The following PBRM1 variants were observed in gnomAD, a reference collection of about 807,000 sequenced individuals.
The protein encoded by PBRM1 is polybromo 1.
Under a neutral mutation model 194.5 loss-of-function variants are expected in PBRM1, and 27 were observed. The ratio of observed to expected loss-of-function variants is 0.14; its 90% confidence interval spans 0.10 to 0.19. The LOEUF (loss-of-function observed/expected upper bound fraction) is 0.19, where lower values mean the gene tolerates loss of function less well. Among genes scored for constraint, PBRM1 ranks in the 10% least tolerant of loss-of-function variants. The pLI is 1.00. For missense variants in PBRM1, 1,466 were observed against 2,077.2 expected, an observed-to-expected ratio of 0.71 and a Z score of 5.72; for synonymous variants, 655 against 693.2, an observed-to-expected ratio of 0.94 and a Z score of 0.87.
chr3:52,571,418 G>A (rs1575794424), intron 22 of PBRM1, among the ~76,000 whole-genome samples: 1 of 151,346 alleles, frequency 6.6e-6, no homozygotes, highest in Non-Finnish European at 1.5e-5. Flanking sequence ...ACGAGGTCAG[G>A]AGATCAAGGC....
At chr3:52,658,127 G>T in intron 5 of PBRM1, 72 bp downstream of exon 6, 2 of 775,006 alleles carry the variant, frequency 2.6e-6, no homozygotes, top group Non-Finnish European at 4.6e-6. Context: ...TTATTTATCA[G>T]TAATTAATAC....
chr3:52,562,945 C>G (rs1474198984), intron 24 of PBRM1, among the ~76,000 whole-genome samples: 1 of 152,018 alleles, frequency 6.6e-6, no homozygotes, highest in African/African-American at 2.4e-5. Context: ...GTAATAAAAG[C>G]TAAAGACAAA....
chr3:52,600,880 G>A (rs535247432), intron 17 of PBRM1, among the ~76,000 whole-genome samples: 114 of 152,174 alleles, frequency 7.5e-4, no homozygotes, highest in Non-Finnish European at 1.4e-3. Flanking sequence ...CTCATGATCT[G>A]CTGGCCTTGG....
chr3:52,648,298 T>A (rs757522511), intron 7 of PBRM1, 46 bp downstream of exon 8: 2 of 1,037,526 alleles, frequency 1.9e-6, no homozygotes, highest in Non-Finnish European at 1.5e-6. Flanking sequence ...TTAAATTATC[T>A]ACTATTACCA....
chr3:52,641,498 G>C (rs183620643), intron 10 of PBRM1, among the ~76,000 whole-genome samples: 2 of 138,092 alleles, frequency 1.4e-5, no homozygotes, highest in African/African-American at 5.3e-5. Flanking sequence ...GAATATACCA[G>C]AATAATTTAA....
In PBRM1 at chr3:52,677,660, G is replaced by A. The variant is rs528272220; in HGVS notation, c.236+840C>T. ...ACTGCTGACCTCAGCTGATCCACCC[G>A]CCTTCGCCTCCCAAAGTGCTAGGAT... On this transcript the variant is annotated intron_variant, in intron 2 of 29. Coordinates refer to ENST00000296302, the Ensembl canonical transcript of PBRM1. Among the ~76,000 whole-genome samples the A allele has an allele frequency of 4.6e-5, 7 of 152,066 alleles. No homozygotes were observed. In the South Asian group the frequency reaches 6.2e-4, roughly 14 times the overall value.
intron 22 of PBRM1, among the ~76,000 whole-genome samples, chr3:52,569,542 TA>T (rs1188469826): frequency 6.6e-6 from 1 of 152,154 alleles, no homozygotes; most frequent in African/African-American, 2.4e-5. Flanking sequence ...GTTCACATAG[TA>T]TCAACTTCCT....
chr3:52,645,894 C>T (rs1003349291), intron 7 of PBRM1, among the ~76,000 whole-genome samples: 1 of 152,138 alleles, frequency 6.6e-6, no homozygotes, highest in South Asian at 2.1e-4. Flanking sequence ...CAGAACCATA[C>T]GAAAGCAAAA....
intron 5 of PBRM1, among the ~76,000 whole-genome samples, chr3:52,654,320 A>G (rs1223520123): frequency 6.6e-6 from 1 of 152,148 alleles, no homozygotes; most frequent in Non-Finnish European, 1.5e-5. Flanking sequence ...TCCTTCCTTT[A>G]CTTGGATGAA....
At chr3:52,637,773 C>CAAAAAAAAAAAAAACAAAAAAAAA (rs2095877092) in intron 10 of PBRM1, among the ~76,000 whole-genome samples, 1 of 42,236 alleles carries the variant, frequency 2.4e-5, no homozygotes, top group Non-Finnish European at 5.3e-5. Flanking sequence ...ACTAAAAATA[C>CAAAAAAAAAAAAAACAAAAAAAAA]AAAAAAAAAA....
chr3:52,559,969 G>A (rs183612691), intron 25 of PBRM1, among the ~76,000 whole-genome samples: 77 of 152,070 alleles, frequency 5.1e-4, no homozygotes, highest in African/African-American at 1.8e-3. Context: ...AAGGCCTGTG[G>A]ATTGAATATT....
At chr3:52,596,485 T>G (rs1234551500) in intron 17 of PBRM1, among the ~76,000 whole-genome samples, 6 of 94,534 alleles carry the variant, frequency 6.3e-5, no homozygotes, top group East Asian at 3.1e-4. Context: ...AAAAAAGAAA[T>G]GTATCCTACA....
chr3:52,675,523 G>A (rs370766528), intron 2 of PBRM1, among the ~76,000 whole-genome samples: 1 of 152,202 alleles, frequency 6.6e-6, no homozygotes, highest in African/African-American at 2.4e-5. Context: ...TAACCAGGTG[G>A]GATTTATTCC....
At chr3:52,572,440 T>A (rs1404531032) in intron 22 of PBRM1, among the ~76,000 whole-genome samples, 1 of 152,130 alleles carries the variant, frequency 6.6e-6, no homozygotes, top group Non-Finnish European at 1.5e-5. Context: ...TAGAGTGATC[T>A]CAGCGCACTG....
exon 6 of PBRM1, chr3:52,651,756 C>T: frequency 1.3e-6 from 2 of 1,597,406 alleles, no homozygotes; most frequent in Middle Eastern, 1.7e-4. Context: ...ATCCTCTGGG[C>T]AATGGTCTTG....
chr3:52,679,153 A>T (rs1460861700), intron 1 of PBRM1, among the ~76,000 whole-genome samples: 2 of 152,222 alleles, frequency 1.3e-5, no homozygotes, highest in African/African-American at 4.8e-5. Context: ...ATTCAGGCCA[A>T]AACAGCCCAA....
intron 7 of PBRM1, 105 bp downstream of exon 8, chr3:52,648,239 G>C (rs2096385166): frequency 3.0e-6 from 2 of 677,574 alleles, no homozygotes; most frequent in Admixed American, 2.7e-5. Flanking sequence ...TAAAGTCCAT[G>C]GTATGTGAAT....
chr3:52,658,044 C>T (rs1030373206), intron 5 of PBRM1, among the ~76,000 whole-genome samples, 155 bp downstream of exon 6: 4 of 147,080 alleles, frequency 2.7e-5, no homozygotes, highest in Admixed American at 1.4e-4. Context: ...CCACCTGCCT[C>T]GGCCTCCCAA....
At chr3:52,660,249 G>A (rs2096692531) in intron 4 of PBRM1, among the ~76,000 whole-genome samples, 1 of 152,084 alleles carries the variant, frequency 6.6e-6, no homozygotes, top group African/African-American at 2.4e-5. Context: ...ACTAAGGGTG[G>A]GGCCTCTGCA....
Sources: gnomAD v4.1 joint callset for allele counts (sites outside exome capture counted in the v4.1 genomes callset) on GRCh38, gnomAD v4.1.1 for gene constraint, MANE v1.5 for transcripts, NCBI Gene and HGNC (gene_info 2026-07-23, HGNC 2026-07-21) for gene names.